Variants in ANK3 observed in about 807,000 individuals in gnomAD.
The protein encoded by ANK3 is ankyrin-3.
Under a neutral mutation model 370.9 loss-of-function variants are expected in ANK3, and 57 were observed. That is an observed-to-expected ratio of 0.15 (90% CI 0.12 to 0.19). ANK3 has a LOEUF of 0.19. Ranked by LOEUF, ANK3 falls within the 10% of genes least tolerant of loss-of-function variation. The pLI is 1.00. For synonymous variants in ANK3, 1,929 were observed against 1,946.3 expected, an observed-to-expected ratio of 0.99 and a Z score of 0.23; for missense variants, 4,439 against 5,302.1, an observed-to-expected ratio of 0.84 and a Z score of 5.06.
At position 60,029,328 on chromosome 10, in the gene ANK3, C is replaced by CTGTT; in HGVS notation, c.*514_*517dup. The CTGTT allele has an allele frequency of 6.6e-6, 1 of 152,520 alleles. No homozygotes were observed. The highest frequency in any genetic ancestry group is 6.5e-5 in the Admixed American group (1 of 15,292). The allele number at this position is 152,520 out of a possible 1,614,324, so 9.4% of individuals were successfully genotyped here. A position where few individuals can be genotyped will look rare whatever the true frequency, so the allele number is the denominator to read the frequency against. On this transcript the variant is annotated 3_prime_UTR_variant, in exon 44 of 44. Coordinates refer to ENST00000280772, the MANE Select transcript of ANK3 (RefSeq NM_020987.5). The stretch of plus-strand genomic sequence containing the variant: ...CTTATCAACATTTTATTCTATTTTT[C>CTGTT]TGTTAGAATTTATACAGTGTTATTA...
chr10:60,373,284 T>C (rs2132794710), intron 1 of ANK3, among the ~76,000 whole-genome samples: 1 of 152,266 alleles, frequency 6.6e-6, no homozygotes, highest in South Asian at 2.1e-4. Context: ...GGAGAAGATT[T>C]AAATGTCCGT....
rs140002276 is a variant in ANK3 at position 60,034,877 on chromosome 10, T to C, written c.*20-5051A>G. Among the ~76,000 whole-genome samples the C allele has an allele frequency of 1.7e-3, 263 of 152,346 alleles. 1 individual carries two copies. Among genetic ancestry groups the C allele is most frequent in the Middle Eastern group, 6.8e-3 (2 of 294 alleles). On this transcript the variant is annotated intron_variant, in intron 43 of 43. Transcript: ENST00000280772. ...CTAAACATTAATTTTAATTACTTTA[T>C]GTAACTAAAATACACTACAGTGCAG...
At chr10:60,160,329 C>T (rs1210787113) in intron 23 of ANK3, among the ~76,000 whole-genome samples, 1 of 151,930 alleles carries the variant, frequency 6.6e-6, no homozygotes, top group Non-Finnish European at 1.5e-5. Flanking sequence ...TTATTAGACA[C>T]ATAAAGCCTA....
chr10:60,693,641 T>C (rs1165442143), intron 1 of ANK3, among the ~76,000 whole-genome samples: 13 of 152,154 alleles, frequency 8.5e-5, no homozygotes, highest in Admixed American at 6.5e-5. Context: ...CAGGGGCAGA[T>C]TGACCCCTCA....
chr10:60,306,382 CA>C (rs1472793423), intron 1 of ANK3, among the ~76,000 whole-genome samples: 1 of 151,388 alleles, frequency 6.6e-6, no homozygotes, highest in African/African-American at 2.4e-5. Flanking sequence ...CAAAAGACAT[CA>C]TTTCACTTCT....
intron 1 of ANK3, among the ~76,000 whole-genome samples, chr10:60,636,555 G>C: frequency 6.6e-6 from 1 of 152,190 alleles, no homozygotes; most frequent in Admixed American, 6.5e-5. Context: ...GAGAGAGCCT[G>C]AGTTATTAGT....
At chr10:60,112,590 C>T (rs959857893) in intron 26 of ANK3, among the ~76,000 whole-genome samples, 1 of 152,040 alleles carries the variant, frequency 6.6e-6, no homozygotes, top group African/African-American at 2.4e-5. Context: ...TATTACAAAG[C>T]CAAAATCTAT....
chr10:60,148,791 A>T (rs2094948973), intron 23 of ANK3, among the ~76,000 whole-genome samples: 1 of 152,234 alleles, frequency 6.6e-6, no homozygotes, highest in Non-Finnish European at 1.5e-5. Context: ...CTAGCCCTGG[A>T]AAATCAGGCA....
chr10:60,647,282 G>A (rs760854644), intron 1 of ANK3, among the ~76,000 whole-genome samples: 1 of 152,130 alleles, frequency 6.6e-6, no homozygotes, highest in Non-Finnish European at 1.5e-5. Context: ...TCATTTAAAA[G>A]CTTTTTGGTT....
intron 1 of ANK3, chr10:60,300,381 T>A: frequency 7.8e-7 from 1 of 1,289,702 alleles, no homozygotes; most frequent in East Asian, 5.5e-5. Context: ...AGAAACCTGA[T>A]AACTCAATTA....
intron 43 of ANK3, among the ~76,000 whole-genome samples, chr10:60,040,442 A>T (rs1004867445): frequency 6.6e-6 from 1 of 152,138 alleles, no homozygotes; most frequent in South Asian, 2.1e-4. Flanking sequence ...GAAGGTAAAC[A>T]CTACCTGGAA....
At chr10:60,469,366 A>AGTGT in intron 2 of ANK3, among the ~76,000 whole-genome samples, 3 of 79,882 alleles carry the variant, frequency 3.8e-5, no homozygotes, top group South Asian at 3.9e-4. Flanking sequence ...TACCACTTTT[A>AGTGT]GTGTATATAT....
chr10:60,468,013 T>C (rs1265918989), intron 2 of ANK3, among the ~76,000 whole-genome samples: 2 of 151,710 alleles, frequency 1.3e-5, no homozygotes, highest in African/African-American at 2.4e-5. Flanking sequence ...AGATGGAGTT[T>C]TGCTCTTGTT....
chr10:60,525,614 G>T (rs939131581), intron 2 of ANK3, among the ~76,000 whole-genome samples: 11 of 152,166 alleles, frequency 7.2e-5, no homozygotes, highest in Middle Eastern at 3.4e-3. Flanking sequence ...AGTCCTTTCT[G>T]GGAGGAGACA....
intron 11 of ANK3, among the ~76,000 whole-genome samples, 174 bp downstream of exon 11, chr10:60,205,617 TG>T (rs112261386): frequency 5.9e-5 from 9 of 152,342 alleles, no homozygotes; most frequent in African/African-American, 2.2e-4. Flanking sequence ...CCCACCAACA[TG>T]TTTGTCTGCT....
chr10:60,710,498 A>G (rs1204669788), intron 1 of ANK3, among the ~76,000 whole-genome samples: 1 of 152,160 alleles, frequency 6.6e-6, no homozygotes, highest in African/African-American at 2.4e-5. Flanking sequence ...GCATCCACAT[A>G]TATTTTATGC....
chr10:60,224,012 C>T (rs118125990), intron 8 of ANK3, among the ~76,000 whole-genome samples: 1 of 151,094 alleles, frequency 6.6e-6, no homozygotes, highest in East Asian at 1.9e-4. Context: ...AATTAATGAA[C>T]AAAGTCACTT....
intron 8 of ANK3, among the ~76,000 whole-genome samples, chr10:60,230,056 G>C (rs911479021): frequency 6.6e-6 from 1 of 152,158 alleles, no homozygotes. Context: ...CATCTTCTCT[G>C]AAGCACTAAA....
chr10:60,604,593 A>G (rs1480334999), intron 2 of ANK3, among the ~76,000 whole-genome samples: 1 of 152,202 alleles, frequency 6.6e-6, no homozygotes, highest in Non-Finnish European at 1.5e-5. Flanking sequence ...AGCCTGTAAG[A>G]AATTTCCATG....
Sources: gnomAD v4.1 joint callset for allele counts (sites outside exome capture counted in the v4.1 genomes callset) on GRCh38, gnomAD v4.1.1 for gene constraint, MANE v1.5 for transcripts, NCBI Gene and HGNC (gene_info 2026-07-23, HGNC 2026-07-21) for gene names.